EXOC6B: variants seen among roughly 807,000 people sequenced by gnomAD.
EXOC6B encodes the protein SEC15 homolog B.
In EXOC6B, 54 loss-of-function variants were observed where a neutral mutation model predicts 113.5. The ratio of observed to expected loss-of-function variants is 0.48; its 90% CI spans 0.38 to 0.60. EXOC6B has a LOEUF of 0.60. EXOC6B is among the 20% of genes least tolerant of loss of function. EXOC6B has a pLI of 0.00. For synonymous variants in EXOC6B, 357 were observed against 339.0 expected, an observed-to-expected ratio of 1.05 and a Z score of -0.58; for missense variants, 797 against 977.5, an observed-to-expected ratio of 0.82 and a Z score of 2.46.
At chr2:72,555,001 T>G (rs1421146511) in intron 8 of EXOC6B, among the ~76,000 whole-genome samples, 1 of 144,034 alleles carries the variant, frequency 6.9e-6, no homozygotes, top group Non-Finnish European at 1.5e-5. Context: ...TGAGAACATG[T>G]GGTGTTTGGT....
At chr2:72,781,109 G>A (rs754537446) in intron 1 of EXOC6B, among the ~76,000 whole-genome samples, 2 of 152,090 alleles carry the variant, frequency 1.3e-5, no homozygotes, top group Non-Finnish European at 2.9e-5. Context: ...AAGATACCAA[G>A]TCCTGAATCC....
chr2:72,826,008 C>T lies in EXOC6B; in HGVS notation c.-98G>A. The T allele has an allele frequency of 1.9e-5, 29 of 1,506,262 alleles. 1 individual carries two copies. In the South Asian group the frequency reaches 3.3e-4, roughly 17 times the overall value. 93.3% of individuals were successfully genotyped at this position (1,506,262 alleles called of 1,614,324 possible). On this transcript the variant is annotated 5_prime_UTR_variant, in exon 1 of 22. Transcript: ENST00000272427. ...CCCACCACAGGCTCCACAGCCGCCC[C>T]AGCCTCTGGCTACCCGCAGGCCGAC...
chr2:72,681,171 C>A (rs1676673782), intron 6 of EXOC6B, among the ~76,000 whole-genome samples: 1 of 152,140 alleles, frequency 6.6e-6, no homozygotes, highest in Admixed American at 6.5e-5. Context: ...CATCTTTCAA[C>A]ACACATCCAT....
At chr2:72,202,110 A>G (rs10490039) in intron 20 of EXOC6B, among the ~76,000 whole-genome samples, 12,132 of 152,226 alleles carry the variant, frequency 0.08, 673 homozygotes, top group African/African-American at 0.16. Flanking sequence ...GCCTTGATCC[A>G]ACATTAGATC....
intron 17 of EXOC6B, among the ~76,000 whole-genome samples, chr2:72,465,567 T>G (rs1186410916): frequency 2.0e-5 from 3 of 152,202 alleles, no homozygotes; most frequent in Non-Finnish European, 4.4e-5. Context: ...GAAAGCAGAA[T>G]GCCCAGATCA....
chr2:72,765,497 A>AC (rs1683004382), intron 1 of EXOC6B, among the ~76,000 whole-genome samples: 1 of 151,352 alleles, frequency 6.6e-6, no homozygotes, highest in Non-Finnish European at 1.5e-5. Context: ...ACATGGTGAA[A>AC]CCCCCCTCTC....
At chr2:72,199,143 C>T (rs1042485025) in intron 20 of EXOC6B, among the ~76,000 whole-genome samples, 1 of 152,164 alleles carries the variant, frequency 6.6e-6, no homozygotes, top group Non-Finnish European at 1.5e-5. Context: ...TAGTGAGTCA[C>T]TGTGATTTCT....
rs1703257967 is a variant in EXOC6B, at chr2:72,551,956, T to C, written c.915+7497A>G. ...TTTATACATCCTTGCTTCTCCAAAT[T>C]GATTTCATGAAGAAGAGAAATTCAG... On this transcript the variant is annotated intron_variant, in intron 8 of 21. Coordinates refer to ENST00000272427, the MANE Select transcript of EXOC6B (RefSeq NM_015189.3). 2.0e-5 allele frequency among the ~76,000 whole-genome samples: 3 copies of C among 147,992 alleles called. No homozygotes were observed. The South Asian group carries it at 6.7e-4, about 33-fold the overall frequency.
chr2:72,778,341 C>T (rs777992327), intron 1 of EXOC6B, among the ~76,000 whole-genome samples: 4 of 151,882 alleles, frequency 2.6e-5, no homozygotes, highest in Non-Finnish European at 5.9e-5. Flanking sequence ...CTGAACAAAC[C>T]AAAGGAGAGC....
At chr2:72,484,483 C>T (rs1173968487) in intron 16 of EXOC6B, among the ~76,000 whole-genome samples, 2 of 149,260 alleles carry the variant, frequency 1.3e-5, no homozygotes, top group South Asian at 4.3e-4. Context: ...AGGAGAATGT[C>T]GTGAACCCAG....
At chr2:72,583,866 G>T (rs965723709) in intron 6 of EXOC6B, among the ~76,000 whole-genome samples, 4 of 151,898 alleles carry the variant, frequency 2.6e-5, no homozygotes, top group Non-Finnish European at 5.9e-5. Context: ...GACTACAGGC[G>T]CACGCTACCA....
intron 6 of EXOC6B, among the ~76,000 whole-genome samples, chr2:72,670,097 T>A (rs1217532278): frequency 6.6e-6 from 1 of 152,222 alleles, no homozygotes; most frequent in Non-Finnish European, 1.5e-5. Flanking sequence ...ATGCTGCTTA[T>A]GGCATTTAAA....
intron 20 of EXOC6B, among the ~76,000 whole-genome samples, chr2:72,279,217 G>C (rs1213733174): frequency 6.6e-6 from 1 of 152,178 alleles, no homozygotes; most frequent in Admixed American, 6.5e-5. Flanking sequence ...CCTGGATCTA[G>C]AACAGAGAGA....
intron 11 of EXOC6B, among the ~76,000 whole-genome samples, chr2:72,505,269 A>G (rs538951087): frequency 1.1e-3 from 164 of 152,130 alleles, no homozygotes; most frequent in African/African-American, 3.9e-3. Context: ...TTTGGTGTAT[A>G]TTTTCCTCCA....
intron 18 of EXOC6B, among the ~76,000 whole-genome samples, chr2:72,431,485 T>TTATCTATC (rs3062440): frequency 0.21 from 28,358 of 133,674 alleles, 3,477 homozygotes; most frequent in African/African-American, 0.3. Flanking sequence ...CTTGATTTCT[T>TTATCTATC]TATCTATCTA....
intron 7 of EXOC6B, among the ~76,000 whole-genome samples, chr2:72,560,817 C>A (rs767154589): frequency 1.2e-4 from 18 of 150,314 alleles, no homozygotes; most frequent in Non-Finnish European, 2.5e-4. Flanking sequence ...ATATCCTATA[C>A]CATGGTCCAA....
At chr2:72,632,418 T>C (rs1041731058) in intron 6 of EXOC6B, among the ~76,000 whole-genome samples, 1 of 152,216 alleles carries the variant, frequency 6.6e-6, no homozygotes, top group African/African-American at 2.4e-5. Flanking sequence ...GTGTCTATAT[T>C]CTTTAATCCA....
intron 8 of EXOC6B, among the ~76,000 whole-genome samples, chr2:72,555,895 C>T (rs1365223871): frequency 6.6e-6 from 1 of 152,186 alleles, no homozygotes; most frequent in African/African-American, 2.4e-5. Flanking sequence ...ATCCACCTGT[C>T]TCAGCCTCCC....
chr2:72,236,408 T>C (rs1681962215), intron 20 of EXOC6B, among the ~76,000 whole-genome samples: 1 of 152,212 alleles, frequency 6.6e-6, no homozygotes, highest in African/African-American at 2.4e-5. Context: ...AAAAATCACA[T>C]CCTGGCACTG....
Sources: allele counts gnomAD v4.1 joint callset (sites outside exome capture counted in the v4.1 genomes callset), GRCh38; gene constraint gnomAD v4.1.1; transcripts MANE v1.5; gene names NCBI Gene and HGNC (gene_info 2026-07-23, HGNC 2026-07-21).